The following ZNF786 variants were observed in gnomAD, a reference collection of about 807,000 sequenced individuals.
ZNF786 encodes the protein zinc finger protein 786.
A neutral mutation model predicts 63.1 loss-of-function variants in ZNF786; 56 were observed. The ratio of observed to expected loss-of-function variants is 0.89; its 90% CI spans 0.72 to 1.11. The LOEUF is 1.11. Ranked by LOEUF, ZNF786 falls within the 50% of genes least tolerant of loss-of-function variation. ZNF786 has a pLI of 0.00. For synonymous variants in ZNF786, 485 were observed against 406.9 expected (o/e 1.19, Z -2.31); for missense variants, 1,213 against 1,041.8 (o/e 1.16, Z -2.26).
intron 1 of ZNF786, 31 bp from the exon 2 acceptor site, chr7:149,080,748 C>A (rs929151450): frequency 1.3e-5 from 21 of 1,562,978 alleles, no homozygotes; most frequent in Non-Finnish European, 1.8e-5. Context: ...CATATGCATT[C>A]ATGGTTGCTT....
intron 3 of ZNF786, among the ~76,000 whole-genome samples, chr7:149,073,461 A>G (rs1825468728): frequency 1.3e-5 from 2 of 151,916 alleles, no homozygotes; most frequent in Admixed American, 6.6e-5. Flanking sequence ...AGGTGGGAGG[A>G]CTGCTTGAGG....
intron 1 of ZNF786, among the ~76,000 whole-genome samples, chr7:149,081,829 C>T (rs899892259): frequency 6.6e-6 from 1 of 152,224 alleles, no homozygotes; most frequent in African/African-American, 2.4e-5. Flanking sequence ...ATATGATCCT[C>T]CACCTAGAAA....
chr7:149,078,513 C>T (rs948148754), intron 2 of ZNF786, among the ~76,000 whole-genome samples: 2 of 151,990 alleles, frequency 1.3e-5, no homozygotes, highest in Middle Eastern at 3.4e-3. Flanking sequence ...GGAGAAACCC[C>T]GTCTCTACTA....
intron 3 of ZNF786, among the ~76,000 whole-genome samples, chr7:149,073,905 C>T (rs1274688549): frequency 1.3e-5 from 2 of 150,728 alleles, no homozygotes; most frequent in Non-Finnish European, 3.0e-5. Flanking sequence ...ATTCTTCTCC[C>T]TCAGCCTCCT....
In ZNF786 at chr7:149,071,941, G is replaced by T. The variant is rs753981591; in HGVS notation, c.831C>A (p.Phe277Leu). 2.0e-5 allele frequency: 33 copies of T among 1,610,734 alleles called. No homozygotes were observed. The South Asian group carries it at 3.4e-4, about 17-fold the overall frequency. The change falls in exon 4 of 4, where the codon TTC (phenylalanine) becomes TTA (leucine). Residue 277 changes from phenylalanine to leucine, a missense_variant. Coordinates refer to ENST00000491431, the MANE Select transcript of ZNF786 (RefSeq NM_152411.4). ...PFRNADGEMC[F>L]RHELTHPSHR... Reference sequence around the variant, plus strand: ...GGCTGGGATGGGTCAGCTCGTGTCGGAAGCACATTTCACCGTCAGCGTTCC... The same window carrying T: ...GGCTGGGATGGGTCAGCTCGTGTCGTAAGCACATTTCACCGTCAGCGTTCC...
chr7:149,072,145 G>C lies in ZNF786; in HGVS notation c.627C>G (p.His209Gln), dbSNP rs755491335. ...NNHLVMHQRG[H>Q]SKDRTRRAWE... The stretch of plus-strand genomic sequence containing the variant: ...AGGCCCTACGTGTCCGGTCCTTTGA[G>C]TGGCCTCTCTGGTGCATTACTAAAT... Residue 209 changes from histidine (H) to glutamine (Q), a missense_variant, in exon 4 of 4, where the codon CAC becomes CAG. Physicochemically the swap from His to Gln is conservative, Grantham distance 24 (BLOSUM62 0). Transcript: ENST00000491431. 9 of 1,613,240 alleles carry C rather than the reference G, an allele frequency of 5.6e-6. 1 individual carries two copies.
chr7:149,085,802 T>C (rs1221370315), intron 1 of ZNF786, among the ~76,000 whole-genome samples: 1 of 152,238 alleles, frequency 6.6e-6, no homozygotes, highest in Non-Finnish European at 1.5e-5. Context: ...TAAAGATCTT[T>C]AACCTCCTTG....
At chr7:149,073,679 A>G (rs1392422917) in intron 3 of ZNF786, among the ~76,000 whole-genome samples, 1 of 148,566 alleles carries the variant, frequency 6.7e-6, no homozygotes, top group Non-Finnish European at 1.5e-5. Context: ...ATTTATGTAT[A>G]CATTTATATA....
rs762100818 is a variant in ZNF786, at chr7:149,090,685, G to T, written c.-45C>A. The T allele has an allele frequency of 1.9e-6, 3 of 1,564,488 alleles. 1 individual carries two copies. Among genetic ancestry groups the T allele is most frequent in the African/African-American group, 2.8e-5 (2 of 72,310 alleles). The stretch of plus-strand genomic sequence containing the variant: ...GGCCCTGGCAAACCCGACCGTCTCC[G>T]GCGGCTCCGCAGGAACCTGCCCTGC... On this transcript the variant is annotated 5_prime_UTR_variant, in exon 1 of 4. Transcript: ENST00000491431.
At position 149,072,300 on chromosome 7, in the gene ZNF786, C is replaced by A; in HGVS notation, c.472G>T (p.Glu158Ter). 1.2e-6 allele frequency: 2 copies of A among 1,613,774 alleles called. No homozygotes were observed. Among genetic ancestry groups the A allele is most frequent in the South Asian group, 2.2e-5 (2 of 91,018 alleles). The change falls in exon 4 of 4, where the codon GAA (glutamate) becomes TAA (stop). Residue 158 changes from glutamate (E) to a stop codon, truncating the protein, a stop_gained. Transcript: ENST00000491431. LOFTEE classifies it high-confidence loss of function. The part of the protein sequence containing the change: ...APPPLACGPS[E>*]STLKEGIPGP... Reference sequence around the variant, plus strand: ...GGGATTCCTTCTTTTAGGGTAGATTCACTGGGGCCGCAGGCTAGTGGTGGA... The same window carrying A: ...GGGATTCCTTCTTTTAGGGTAGATTAACTGGGGCCGCAGGCTAGTGGTGGA...
rs1825376444 is a variant in ZNF786, at chr7:149,070,318, G to A, written c.*105C>T. 1 of 1,456,470 alleles carries A rather than the reference G, an allele frequency of 6.9e-7. No homozygotes were observed. The highest frequency in any genetic ancestry group is 2.1e-5 in the Admixed American group (1 of 46,876). The allele number at this position is 1,456,470 out of a possible 1,614,324, so 90.2% of individuals were successfully genotyped here. A position where few individuals can be genotyped will look rare whatever the true frequency, so the allele number is the denominator to read the frequency against. Reference sequence around the variant, plus strand: ...TTGCATGACACTCTTGCTCAAAGAAGGATACCTGCTCCTAAAACCCGTCTA... The same window carrying A: ...TTGCATGACACTCTTGCTCAAAGAAAGATACCTGCTCCTAAAACCCGTCTA... On this transcript the variant is annotated 3_prime_UTR_variant, in exon 4 of 4. Coordinates refer to ENST00000491431, the MANE Select transcript of ZNF786 (RefSeq NM_152411.4).
At position 149,069,732 on chromosome 7, in the gene ZNF786, T is replaced by TC. The variant is rs1479668325; in HGVS notation, c.*690dup. The TC allele has an allele frequency of 6.6e-6, 1 of 151,868 alleles. No individual in the cohort carries two copies. Among genetic ancestry groups the TC allele is most frequent in the Non-Finnish European group, 1.5e-5 (1 of 68,402 alleles). The allele number at this position is 151,868 out of a possible 1,614,324, so 9.4% of individuals were successfully genotyped here. On this transcript the variant is annotated 3_prime_UTR_variant, in exon 4 of 4. Coordinates refer to ENST00000491431, the MANE Select transcript of ZNF786 (RefSeq NM_152411.4). ...TGACCTCCCTGGGCTCAGGCGATCC[T>TC]CCCACCTCAGCTTCAGGAGTAGCTG...
At chr7:149,081,353 T>A (rs779891113) in intron 1 of ZNF786, 37 of 340,922 alleles carry the variant, frequency 1.1e-4, no homozygotes, top group Non-Finnish European at 2.0e-4. Flanking sequence ...GGAGAATTGC[T>A]TGAACCTAGG....
chr7:149,070,763 T>G lies in ZNF786; in HGVS notation c.2009A>C (p.His670Pro), dbSNP rs535622769. ...HSKLIEHIRT[H>P]TGEKPFQCPK... is the part of the protein sequence containing the mutation. ...ACACTGAAAAGGCTTCTCTCCCGTG[T>G]GCGTTCTGATGTGCTCGATGAGCTT... is the stretch of plus-strand genomic sequence containing the variant. The change falls in exon 4 of 4, where the codon CAC (histidine) becomes CCC (proline). Residue 670 changes from histidine to proline, a missense_variant. His to Pro is a moderately conservative substitution (Grantham distance 77, BLOSUM62 -2). Coordinates refer to ENST00000491431, the MANE Select transcript of ZNF786 (RefSeq NM_152411.4). 6.2e-7 allele frequency: 1 copy of G among 1,613,764 alleles called. No homozygotes were observed. Among genetic ancestry groups the G allele is most frequent in the Non-Finnish European group, 8.5e-7 (1 of 1,179,948 alleles).
rs1825406737 is a variant in ZNF786, at chr7:149,071,203, C to G, written c.1569G>C (p.Lys523Asn). 3 of 1,611,208 alleles carry G rather than the reference C, an allele frequency of 1.9e-6. No individual in the cohort carries two copies. Among genetic ancestry groups the G allele is most frequent in the Non-Finnish European group, 2.5e-6 (3 of 1,178,324 alleles). ...ECGRGFTHQC[K>N]LREHLRVHSG... ...TGTGCACTCTCAGGTGCTCACGGAG[C>G]TTGCACTGGTGGGTGAAGCCTCTGC... is the stretch of plus-strand genomic sequence containing the variant. The change falls in exon 4 of 4, where the codon AAG becomes AAC. Residue 523 changes from lysine to asparagine, a missense_variant. By Grantham distance (94) the Lys-to-Asn change is moderately conservative (BLOSUM62 0). Coordinates refer to ENST00000491431, the MANE Select transcript of ZNF786 (RefSeq NM_152411.4).
intron 3 of ZNF786, among the ~76,000 whole-genome samples, chr7:149,073,057 G>C (rs142484928): frequency 2.2e-3 from 340 of 152,262 alleles, no homozygotes; most frequent in African/African-American, 7.7e-3. Context: ...TCTAAGACCT[G>C]GCAGCAAGGC....
At chr7:149,074,642 C>T (rs1299848121) in intron 2 of ZNF786, 104 bp from the exon 3 acceptor site, 1 of 1,155,786 alleles carries the variant, frequency 8.7e-7, no homozygotes. Flanking sequence ...ATGAGAACAA[C>T]ATGTCAAAAA....
Position 149,070,625 on chromosome 7 carries a change from C to T in ZNF786, c.2147G>A (p.Arg716Lys). ...GCGCTGGTGCCTCAGCATGTGTCCCCTTTCCCGGAAGTTCTTGTCACACTC... is the reference window on the plus strand; with the variant it reads ...GCGCTGGTGCCTCAGCATGTGTCCCTTTTCCCGGAAGTTCTTGTCACACTC... ...CPECDKNFRE[R>K]GHMLRHQRIH... Residue 716 changes from arginine to lysine, a missense_variant, in exon 4 of 4, where the codon AGG (arginine) becomes AAG (lysine). Transcript: ENST00000491431. The T allele has an allele frequency of 8.1e-6, 13 of 1,614,018 alleles. No homozygotes were observed. The highest frequency in any genetic ancestry group is 1.1e-5 in the Non-Finnish European group (13 of 1,179,900).
Position 149,074,479 on chromosome 7 carries a change from T to C in ZNF786, c.205A>G (p.Arg69Gly). The C allele has an allele frequency of 6.2e-7, 1 of 1,613,958 alleles. No homozygotes were observed. The highest frequency in any genetic ancestry group is 8.5e-7 in the Non-Finnish European group (1 of 1,179,882). The change falls in exon 3 of 4, where the codon AGG becomes GGG. Residue 69 changes from arginine to glycine, a missense_variant. By Grantham distance (125) the Arg-to-Gly change is moderately radical. Coordinates refer to ENST00000491431, the MANE Select transcript of ZNF786 (RefSeq NM_152411.4). ...GATTTCTGTGATTCTCTCCATTTCCTGAAGGGCTCTCCCCCGTGTTCAATC... is the reference window on the plus strand; with the variant it reads ...GATTTCTGTGATTCTCTCCATTTCCCGAAGGGCTCTCCCCCGTGTTCAATC... ...SWIEHGGEPF[R>G]KWRESQKSGN...
Sources: allele counts gnomAD v4.1 joint callset (sites outside exome capture counted in the v4.1 genomes callset), GRCh38; gene constraint gnomAD v4.1.1; transcripts MANE v1.5; gene names NCBI Gene and HGNC (gene_info 2026-07-23, HGNC 2026-07-21).